PTPRQ: variants seen among roughly 807,000 people sequenced by gnomAD.
PTPRQ encodes the protein phosphatidylinositol phosphatase PTPRQ.
PTPRQ carries 199 observed loss-of-function variants against 246.0 expected under a neutral mutation model. That is an observed-to-expected ratio of 0.81 (90% confidence interval 0.72 to 0.91). PTPRQ has a LOEUF of 0.91. PTPRQ is among the 40% of genes least tolerant of loss of function. The pLI, the probability that PTPRQ is intolerant of heterozygous loss-of-function variation, is 0.00. For missense variants in PTPRQ, 2,624 were observed against 2,528.4 expected (o/e 1.04, Z -0.81); for synonymous variants, 869 against 853.2 (o/e 1.02, Z -0.32).
intron 35 of PTPRQ, among the ~76,000 whole-genome samples, chr12:80,636,797 T>A (rs1004603307): frequency 6.6e-6 from 1 of 152,240 alleles, no homozygotes; most frequent in South Asian, 2.1e-4. Flanking sequence ...AAAAGCACTC[T>A]TTTTGTTTAT....
chr12:80,496,003 A>C lies in PTPRQ; in HGVS notation c.1887A>C (p.Leu629Phe). Reference protein sequence around the residue: ...TIDNSFLITGLKKYTKYKMRV... With the variant: ...TIDNSFLITGFKKYTKYKMRV... ...GTTTGTCTCTTGTCCTTATAGGGTT[A>C]AAGAAATACACAAAATACAAAATGA... Residue 629 changes from leucine to phenylalanine, a missense_variant, in exon 13 of 45, where the codon TTA becomes TTC. By Grantham distance (22) the Leu-to-Phe change is conservative (BLOSUM62 0). Coordinates refer to ENST00000644991, the MANE Select transcript of PTPRQ (RefSeq NM_001145026.2). 6.5e-7 allele frequency: 1 copy of C among 1,549,436 alleles called. No homozygotes were observed. Among genetic ancestry groups the C allele is most frequent in the Non-Finnish European group, 8.7e-7 (1 of 1,145,888 alleles).
intron 17 of PTPRQ, among the ~76,000 whole-genome samples, chr12:80,531,317 G>T (rs1592621660): frequency 6.6e-6 from 1 of 151,872 alleles, no homozygotes; most frequent in Admixed American, 6.6e-5. Context: ...TTTTATAAAT[G>T]AAAATAAAAC....
At chr12:80,647,749 G>T (rs1900122940) in intron 35 of PTPRQ, among the ~76,000 whole-genome samples, 1 of 151,856 alleles carries the variant, frequency 6.6e-6, no homozygotes, top group African/African-American at 2.4e-5. Flanking sequence ...GGGTATTGTG[G>T]GGCACTCTTA....
rs1317402438 is a variant in PTPRQ, at chr12:80,613,782, A to G, written c.5109A>G (p.Thr1703=). Residue 1703 remains threonine, a synonymous_variant, in exon 29 of 45, where the codon ACA becomes ACG. Transcript: ENST00000644991. ...TCAGTATTATACAGAAAACCAACACATTCGTCATTGCAATGCTAGAAGGAC... is the reference window on the plus strand; with the variant it reads ...TCAGTATTATACAGAAAACCAACACGTTCGTCATTGCAATGCTAGAAGGAC... ...HNLSIIQKTN[T]FVIAMLEGLK... 1.3e-6 allele frequency: 2 copies of G among 1,542,516 alleles called. No individual in the cohort carries two copies. Among genetic ancestry groups the G allele is most frequent in the Non-Finnish European group, 1.8e-6 (2 of 1,141,524 alleles).
At chr12:80,496,137 T>G (rs1444024123) in intron 13 of PTPRQ, 31 bp downstream of exon 13, 2 of 1,542,734 alleles carry the variant, frequency 1.3e-6, no homozygotes, top group South Asian at 2.4e-5. Context: ...TTTAATTTTT[T>G]TAAAAAAGTG....
chr12:80,457,133 T>A (rs190999165), intron 3 of PTPRQ, among the ~76,000 whole-genome samples: 231 of 152,270 alleles, frequency 1.5e-3, no homozygotes, highest in African/African-American at 5.3e-3. Context: ...TTATCTAATT[T>A]ATTTTTTTAA....
rs552229433 is a variant in PTPRQ at position 80,468,697 on chromosome 12, A to G, written c.911-13A>G. On this transcript the variant is annotated splice_polypyrimidine_tract_variant and intron_variant, in intron 6 of 44. Transcript: ENST00000644991. ...AATATATGTTATGTATTTATTTTCT[A>G]TAATTATTTTAGTGCCTGAAGGACC... The G allele has an allele frequency of 6.6e-6, 10 of 1,522,678 alleles. No homozygotes were observed. Among genetic ancestry groups the G allele is most frequent in the Middle Eastern group, 3.5e-4 (2 of 5,644 alleles). The allele number at this position is 1,522,678 out of a possible 1,614,324, so 94.3% of individuals were successfully genotyped here.
intron 17 of PTPRQ, among the ~76,000 whole-genome samples, chr12:80,521,212 G>GT (rs553253492): frequency 6.6e-6 from 1 of 151,882 alleles, no homozygotes; most frequent in Admixed American, 6.6e-5. Flanking sequence ...GGGGTTGTTT[G>GT]TTTTTTTCTT....
chr12:80,472,049 A>T, intron 7 of PTPRQ, 56 bp from the exon 8 acceptor site: 1 of 1,543,704 alleles, frequency 6.5e-7, no homozygotes, highest in African/African-American at 1.4e-5. Context: ...CTTAAATGTG[A>T]ACATGATTGC....
intron 17 of PTPRQ, 57 bp downstream of exon 17, chr12:80,510,500 T>C: frequency 9.2e-6 from 13 of 1,405,514 alleles, no homozygotes; most frequent in Non-Finnish European, 1.1e-5. Context: ...TGTAACATAA[T>C]AGGAATGTAG....
At chr12:80,486,675 T>C (rs1646881440) in intron 9 of PTPRQ, among the ~76,000 whole-genome samples, 3 of 152,166 alleles carry the variant, frequency 2.0e-5, no homozygotes, top group Admixed American at 2.0e-4. Flanking sequence ...TTGACCTTGG[T>C]ACCTCTCTCA....
At chr12:80,638,597 A>G (rs1359364864) in intron 35 of PTPRQ, among the ~76,000 whole-genome samples, 1 of 152,166 alleles carries the variant, frequency 6.6e-6, no homozygotes, top group East Asian at 1.9e-4. Flanking sequence ...CTGTATATTT[A>G]CACTTTAAAA....
At chr12:80,568,054 T>C (rs1688786621) in intron 25 of PTPRQ, among the ~76,000 whole-genome samples, 1 of 152,204 alleles carries the variant, frequency 6.6e-6, no homozygotes, top group Admixed American at 6.5e-5. Flanking sequence ...TTGCTTTACA[T>C]AGTAGTATAG....
intron 17 of PTPRQ, among the ~76,000 whole-genome samples, chr12:80,532,111 T>C (rs1335276374): frequency 6.6e-6 from 1 of 152,222 alleles, no homozygotes; most frequent in East Asian, 1.9e-4. Flanking sequence ...AAGGTAGTGA[T>C]GCAAGGTAGC....
chr12:80,472,935 T>C (rs1893687383), intron 8 of PTPRQ, among the ~76,000 whole-genome samples: 2 of 152,078 alleles, frequency 1.3e-5, no homozygotes, highest in Admixed American at 6.6e-5. Flanking sequence ...TAAATTCTTA[T>C]AACACATTAA....
intron 22 of PTPRQ, 147 bp from the exon 23 acceptor site, chr12:80,542,583 T>C (rs1393334781): frequency 1.7e-6 from 2 of 1,154,566 alleles, no homozygotes; most frequent in Admixed American, 3.3e-5. Context: ...ATACAAATTA[T>C]AATTAATTAT....
intron 39 of PTPRQ, among the ~76,000 whole-genome samples, chr12:80,664,590 TTCTC>T (rs1334583078): frequency 3.9e-5 from 6 of 152,056 alleles, no homozygotes; most frequent in African/African-American, 1.4e-4. Flanking sequence ...TATTATAGGT[TTCTC>T]TCTACTTCTT....
At chr12:80,473,022 T>C (rs1407777451) in intron 8 of PTPRQ, among the ~76,000 whole-genome samples, 11 of 129,214 alleles carry the variant, frequency 8.5e-5, no homozygotes, top group African/African-American at 3.1e-4. Flanking sequence ...TAGACATGTA[T>C]ACACACACAC....
chr12:80,565,540 A>G (rs1009321550), intron 25 of PTPRQ, among the ~76,000 whole-genome samples: 1 of 152,150 alleles, frequency 6.6e-6, no homozygotes, highest in South Asian at 2.1e-4. Flanking sequence ...TAAATTAAGC[A>G]TGTGTGTGCA....
Sources: allele counts gnomAD v4.1 joint callset (sites outside exome capture counted in the v4.1 genomes callset), GRCh38; gene constraint gnomAD v4.1.1; transcripts MANE v1.5; gene names NCBI Gene and HGNC (gene_info 2026-07-23, HGNC 2026-07-21).